SLC67A2: variants seen among roughly 807,000 people sequenced by gnomAD.
The protein encoded by SLC67A2 is solute carrier family 67 member A2.
At chr2:102,732,337 C>A in the SLC67A2 span, 1 of 1,613,386 alleles carries the variant, frequency 6.2e-7, no homozygotes, top group Non-Finnish European at 8.5e-7. Flanking sequence ...ATTCCAGCAA[C>A]TGTTGGACTT....
chr2:102,730,628 C>T, the SLC67A2 span, among the ~76,000 whole-genome samples: 3 of 150,962 alleles, frequency 2.0e-5, no homozygotes, highest in Admixed American at 1.3e-4. Context: ...CTGCAAACTC[C>T]GCCTCCCGGC....
chr2:102,736,704 T>A, the SLC67A2 span: 3 of 1,612,938 alleles, frequency 1.9e-6, no homozygotes, highest in African/African-American at 4.0e-5. Flanking sequence ...GGCACCGGAG[T>A]CGGCAGCCTC....
At chr2:102,728,646 G>A in the SLC67A2 span, among the ~76,000 whole-genome samples, 1 of 152,038 alleles carries the variant, frequency 6.6e-6, no homozygotes, top group East Asian at 1.9e-4. Flanking sequence ...AAGGGTTACT[G>A]GCCTCCTTGT....
the SLC67A2 span, chr2:102,716,664 A>G: frequency 2.0e-5 from 3 of 152,272 alleles, no homozygotes; most frequent in African/African-American, 7.2e-5. Flanking sequence ...TGCTTTACAA[A>G]CAATAAATAT....
chr2:102,736,715 C>T, the SLC67A2 span: 6 of 1,613,646 alleles, frequency 3.7e-6, no homozygotes, highest in African/African-American at 6.7e-5. Context: ...CGGCAGCCTC[C>T]GCCTCGGTTC....
At chr2:102,716,789 A>G in the SLC67A2 span, 1 of 152,226 alleles carries the variant, frequency 6.6e-6, no homozygotes, top group Non-Finnish European at 1.5e-5. Flanking sequence ...AAGGAATGTG[A>G]ACTTCAACTG....
the SLC67A2 span, chr2:102,726,953 C>A: frequency 5.0e-6 from 8 of 1,613,666 alleles, no homozygotes; most frequent in Non-Finnish European, 6.8e-6. Context: ...GACCGTCTTC[C>A]CACTACATCG....
the SLC67A2 span, among the ~76,000 whole-genome samples, chr2:102,720,822 T>C: frequency 4.6e-5 from 7 of 152,136 alleles, no homozygotes; most frequent in Non-Finnish European, 8.8e-5. Context: ...GAGGAGGATA[T>C]AAGAAGCTAA....
the SLC67A2 span, among the ~76,000 whole-genome samples, chr2:102,731,578 A>G: frequency 6.6e-6 from 1 of 152,194 alleles, no homozygotes; most frequent in African/African-American, 2.4e-5. Context: ...AATGTGCCCT[A>G]TCTGATTTTC....
the SLC67A2 span, among the ~76,000 whole-genome samples, chr2:102,724,575 C>A: frequency 6.6e-6 from 1 of 152,144 alleles, no homozygotes; most frequent in Non-Finnish European, 1.5e-5. Flanking sequence ...TCCCTAGACC[C>A]CCCACGTGCA....
the SLC67A2 span, chr2:102,718,872 T>G: frequency 1.2e-6 from 2 of 1,614,052 alleles, no homozygotes; most frequent in East Asian, 4.5e-5. Flanking sequence ...CTGTAACTGA[T>G]GAGGTAGCCT....
chr2:102,730,346 G>A, the SLC67A2 span, among the ~76,000 whole-genome samples: 15 of 151,958 alleles, frequency 9.9e-5, no homozygotes, highest in Admixed American at 9.2e-4. Context: ...CACCATGCCT[G>A]GCCACCTCTG....
chr2:102,719,197 C>G, the SLC67A2 span: 5 of 1,609,758 alleles, frequency 3.1e-6, no homozygotes, highest in Admixed American at 3.3e-5. Context: ...ATGGAAAGAA[C>G]CAAACGAGAC....
At chr2:102,736,748 C>A in the SLC67A2 span, 2 of 1,613,862 alleles carry the variant, frequency 1.2e-6, no homozygotes, top group Non-Finnish European at 1.7e-6. Context: ...CCTGTTTCCG[C>A]TCTGCGGTCT....
chr2:102,726,692 T>C, the SLC67A2 span, among the ~76,000 whole-genome samples: 1 of 151,674 alleles, frequency 6.6e-6, no homozygotes, highest in African/African-American at 2.4e-5. Flanking sequence ...CCTCAGAGAC[T>C]TGCCAGGCAC....
chr2:102,730,051 C>T, the SLC67A2 span, among the ~76,000 whole-genome samples: 2 of 152,184 alleles, frequency 1.3e-5, no homozygotes, highest in Admixed American at 6.5e-5. Flanking sequence ...GACTATTCTA[C>T]TGAACCGCCT....
the SLC67A2 span, chr2:102,736,676 G>C: frequency 6.2e-7 from 1 of 1,613,718 alleles, no homozygotes; most frequent in Non-Finnish European, 8.5e-7. Flanking sequence ...GACAGAGCAG[G>C]AAGCGGCGGG....
chr2:102,722,147 T>C, the SLC67A2 span, among the ~76,000 whole-genome samples: 1 of 152,208 alleles, frequency 6.6e-6, no homozygotes, highest in South Asian at 2.1e-4. Context: ...AAGAATGCTA[T>C]GAAGAAAATT....
At chr2:102,724,925 C>T in the SLC67A2 span, among the ~76,000 whole-genome samples, 138 of 152,324 alleles carry the variant, frequency 9.1e-4, no homozygotes, top group African/African-American at 3.2e-3. Flanking sequence ...GACCTGTTTC[C>T]TTAAATGTCA....
Sources: gnomAD v4.1 joint callset for allele counts (sites outside exome capture counted in the v4.1 genomes callset) on GRCh38, gnomAD v4.1.1 for gene constraint, MANE v1.5 for transcripts, NCBI Gene and HGNC (gene_info 2026-07-23, HGNC 2026-07-21) for gene names.